Variants in ACBD6 observed in about 807,000 individuals in gnomAD.
ACBD6 encodes the protein acyl-CoA binding domain containing 6, also known as acyl-CoA-binding domain-containing protein 6.
A neutral mutation model predicts 37.2 loss-of-function variants in ACBD6; 28 were observed. The ratio of observed to expected loss-of-function variants is 0.75; its 90% CI spans 0.56 to 1.03. The LOEUF is 1.03. Ranked by LOEUF, ACBD6 falls within the 50% of genes least tolerant of loss-of-function variation. The pLI, the probability that ACBD6 is intolerant of heterozygous loss-of-function variation, is 0.00. For missense variants in ACBD6, 340 were observed against 337.4 expected (o/e 1.01, Z -0.06); for synonymous variants, 113 against 126.8 (o/e 0.89, Z 0.73).
chr1:180,357,111 G>C (rs937409666), intron 6 of ACBD6, among the ~76,000 whole-genome samples: 1 of 152,178 alleles, frequency 6.6e-6, no homozygotes. Context: ...GCTTTCCACA[G>C]ATCTTTCTTG....
chr1:180,487,423 C>G (rs1334804603), intron 3 of ACBD6, among the ~76,000 whole-genome samples: 1 of 152,132 alleles, frequency 6.6e-6, no homozygotes, highest in African/African-American at 2.4e-5. Context: ...CCACTCCAAC[C>G]CACTGCATCC....
chr1:180,377,027 C>T lies in ACBD6; in HGVS notation c.663+20489G>A, dbSNP rs547272963. On this transcript the variant is annotated intron_variant, in intron 6 of 7. Transcript: ENST00000367595. Reference sequence around the variant, plus strand: ...AAGGCTAATGGCAAAATGAAATATACATAAATGTTTTAACATAGTTAGTAA... The same window carrying T: ...AAGGCTAATGGCAAAATGAAATATATATAAATGTTTTAACATAGTTAGTAA... 4.6e-5 allele frequency among the ~76,000 whole-genome samples: 7 copies of T among 152,042 alleles called. No individual in the cohort carries two copies. The East Asian group carries it at 1.2e-3, about 25-fold the overall frequency.
chr1:180,485,698 G>A (rs1011194221), intron 3 of ACBD6, among the ~76,000 whole-genome samples: 5 of 152,158 alleles, frequency 3.3e-5, no homozygotes, highest in Admixed American at 3.3e-4. Context: ...ACCACAATGT[G>A]CTCGTCTGTG....
At chr1:180,333,412 A>G (rs1312482321) in intron 6 of ACBD6, among the ~76,000 whole-genome samples, 1 of 152,214 alleles carries the variant, frequency 6.6e-6, no homozygotes, top group Non-Finnish European at 1.5e-5. Context: ...AATGAGTATG[A>G]AAAAGGCAAA....
rs1652009060 is a variant in ACBD6 at position 180,502,156 on chromosome 1, C to G, written c.111G>C (p.Glu37Asp). The change falls in exon 1 of 8, where the codon GAG becomes GAC. Residue 37 changes from glutamate (E) to aspartate (D), a missense_variant. Physicochemically the swap from Glu to Asp is conservative, Grantham distance 45. Transcript: ENST00000367595. ...EVEFPHSPEI[E>D]ETSCLAELFE... ...ACAGCTCGGCCAGGCAACTGGTCTCCTCGATCTCAGGGCTATGGGGGAACT... is the reference window on the plus strand; with the variant it reads ...ACAGCTCGGCCAGGCAACTGGTCTCGTCGATCTCAGGGCTATGGGGGAACT... 2 of 1,614,122 alleles carry G rather than the reference C, an allele frequency of 1.2e-6. No individual in the cohort carries two copies. Among genetic ancestry groups the G allele is most frequent in the Non-Finnish European group, 1.7e-6 (2 of 1,180,022 alleles).
At chr1:180,454,821 T>C (rs1649852119) in intron 3 of ACBD6, among the ~76,000 whole-genome samples, 1 of 152,206 alleles carries the variant, frequency 6.6e-6, no homozygotes, top group Non-Finnish European at 1.5e-5. Context: ...CACAATGAGA[T>C]ACCATCTCAC....
At chr1:180,437,621 T>G (rs1021675681) in intron 3 of ACBD6, among the ~76,000 whole-genome samples, 1 of 152,044 alleles carries the variant, frequency 6.6e-6, no homozygotes, top group Non-Finnish European at 1.5e-5. Flanking sequence ...ATCCTAAAGA[T>G]TCCACCCAAT....
chr1:180,313,488 T>C (rs1172917948), intron 7 of ACBD6, among the ~76,000 whole-genome samples: 5 of 152,214 alleles, frequency 3.3e-5, no homozygotes, highest in Admixed American at 2.6e-4. Flanking sequence ...AATACCTTAG[T>C]TGATTTTTTA....
At chr1:180,324,852 T>G (rs1397333890) in intron 6 of ACBD6, among the ~76,000 whole-genome samples, 1 of 152,206 alleles carries the variant, frequency 6.6e-6, no homozygotes, top group East Asian at 1.9e-4. Context: ...AAGGATATTT[T>G]CACAAGATAC....
In ACBD6 at chr1:180,492,157, A is replaced by G. The variant is rs545362457; in HGVS notation, c.384+112T>C. The stretch of plus-strand genomic sequence containing the variant: ...ATTACAATAACTTTAAAATATTTCA[A>G]GAAAGTAAAACTTTAAGCATGTTAC... On this transcript the variant is annotated intron_variant, in intron 3 of 7. Transcript: ENST00000367595. 1.0e-5 allele frequency: 8 copies of G among 799,526 alleles called. No individual in the cohort carries two copies. In the South Asian group the frequency reaches 1.1e-4, roughly 11 times the overall value. The allele number at this position is 799,526 out of a possible 1,614,324, so 49.5% of individuals were successfully genotyped here.
intron 6 of ACBD6, among the ~76,000 whole-genome samples, chr1:180,348,071 CATAA>C (rs1652257815): frequency 6.6e-6 from 1 of 152,082 alleles, no homozygotes; most frequent in Non-Finnish European, 1.5e-5. Context: ...CTATTTACAG[CATAA>C]ATATTTGCAG....
chr1:180,358,244 T>C (rs1652700665), intron 6 of ACBD6, among the ~76,000 whole-genome samples: 1 of 152,114 alleles, frequency 6.6e-6, no homozygotes. Context: ...CTGATCAACA[T>C]GGTGAAACCC....
chr1:180,331,934 A>G (rs564333953), intron 6 of ACBD6, among the ~76,000 whole-genome samples: 20 of 152,338 alleles, frequency 1.3e-4, no homozygotes, highest in African/African-American at 4.1e-4. Context: ...ATTCTAAAAT[A>G]TATGATGTCT....
chr1:180,433,574 C>G (rs914053441), intron 3 of ACBD6, among the ~76,000 whole-genome samples: 1 of 149,720 alleles, frequency 6.7e-6, no homozygotes, highest in Non-Finnish European at 1.5e-5. Flanking sequence ...TGGTGTTATG[C>G]TGTGTGTGTG....
intron 6 of ACBD6, among the ~76,000 whole-genome samples, chr1:180,387,090 T>A (rs900397650): frequency 6.6e-6 from 1 of 152,220 alleles, no homozygotes; most frequent in East Asian, 1.9e-4. Flanking sequence ...GTTCCAATAA[T>A]AATTTCATTT....
chr1:180,433,442 T>G (rs192819467), intron 3 of ACBD6, among the ~76,000 whole-genome samples: 39 of 152,178 alleles, frequency 2.6e-4, no homozygotes, highest in African/African-American at 8.9e-4. Context: ...ACATACTCAG[T>G]GGTGGAAAAC....
chr1:180,358,568 C>T (rs1652722869), intron 6 of ACBD6, among the ~76,000 whole-genome samples: 1 of 149,370 alleles, frequency 6.7e-6, no homozygotes, highest in Non-Finnish European at 1.5e-5. Context: ...AAAAAAACCC[C>T]AAAAGAAAAA....
At position 180,404,618 on chromosome 1, in the gene ACBD6, C is replaced by T. The variant is rs148928739; in HGVS notation, c.574-7013G>A. Among the ~76,000 whole-genome samples the T allele has an allele frequency of 6.7e-3, 1,013 of 151,954 alleles. 17 individuals are homozygous for T. The highest frequency in any genetic ancestry group is 0.023 in the African/African-American group (967 of 41,426). On this transcript the variant is annotated intron_variant, in intron 5 of 7. Transcript: ENST00000367595. ...GACTACAGGCATGTGCCACCATGCT[C>T]AGCTAATTTTTGTATTTTTAGTAGA...
At chr1:180,295,458 T>C (rs568905677) in intron 7 of ACBD6, among the ~76,000 whole-genome samples, 1 of 152,278 alleles carries the variant, frequency 6.6e-6, no homozygotes, top group African/African-American at 2.4e-5. Context: ...CAAAATATTT[T>C]ATATAGGCAT....
Sources: allele counts gnomAD v4.1 joint callset (sites outside exome capture counted in the v4.1 genomes callset), GRCh38; gene constraint gnomAD v4.1.1; transcripts MANE v1.5; gene names NCBI Gene and HGNC (gene_info 2026-07-23, HGNC 2026-07-21).